Variants in PTPRT observed in about 807,000 individuals in gnomAD.
The protein encoded by PTPRT is protein tyrosine phosphatase receptor type T.
PTPRT carries 56 observed loss-of-function variants against 176.8 expected under a neutral mutation model. That is an observed-to-expected ratio of 0.32 (90% confidence interval 0.26 to 0.40). The LOEUF (loss-of-function observed/expected upper bound fraction) is 0.40. Among genes scored for constraint, PTPRT ranks in the 10% least tolerant of loss-of-function variants. The pLI is 1.00. For synonymous variants in PTPRT, 783 were observed against 739.0 expected, an observed-to-expected ratio of 1.06 and a Z score of -0.96; for missense variants, 1,540 against 1,908.2, an observed-to-expected ratio of 0.81 and a Z score of 3.60.
At chr20:42,233,957 T>A (rs1008521704) in intron 15 of PTPRT, among the ~76,000 whole-genome samples, 8 of 152,180 alleles carry the variant, frequency 5.3e-5, no homozygotes, top group African/African-American at 1.9e-4. Context: ...CTGCTTATCT[T>A]GGATTCCACC....
chr20:43,109,889 T>C (rs1245063914), intron 1 of PTPRT, among the ~76,000 whole-genome samples: 1 of 151,878 alleles, frequency 6.6e-6, no homozygotes, highest in Non-Finnish European at 1.5e-5. Flanking sequence ...GGGGGACCAG[T>C]GTAATAGAGT....
At chr20:42,132,698 C>T (rs1237430976) in intron 18 of PTPRT, among the ~76,000 whole-genome samples, 1 of 151,996 alleles carries the variant, frequency 6.6e-6, no homozygotes, top group African/African-American at 2.4e-5. Context: ...CACAGCAAGA[C>T]CTGTCATTCA....
chr20:43,173,452 A>T (rs2015052524), intron 1 of PTPRT, among the ~76,000 whole-genome samples: 1 of 152,230 alleles, frequency 6.6e-6, no homozygotes. Context: ...CTACAAATGC[A>T]AAAGCAGTCC....
At chr20:42,129,403 C>G (rs1988020168) in intron 18 of PTPRT, among the ~76,000 whole-genome samples, 1 of 152,134 alleles carries the variant, frequency 6.6e-6, no homozygotes, top group South Asian at 2.1e-4. Flanking sequence ...ATAGAGGATG[C>G]CTTTTCAAAC....
rs532596348 is a variant in PTPRT, at chr20:43,124,557, C to T, written c.88+65089G>A. Among the ~76,000 whole-genome samples the T allele has an allele frequency of 2.6e-5, 4 of 152,300 alleles. No individual in the cohort carries two copies. The South Asian group carries it at 6.2e-4, about 24-fold the overall frequency. On this transcript the variant is annotated intron_variant, in intron 1 of 30. Coordinates refer to ENST00000373187, the MANE Select transcript of PTPRT (RefSeq NM_007050.6). ...AGACTTAATGAGTAGTCACACAAAACATAATTCAGAAGATAAATCACCTGC... is the reference window on the plus strand; with the variant it reads ...AGACTTAATGAGTAGTCACACAAAATATAATTCAGAAGATAAATCACCTGC...
At chr20:42,318,903 G>A (rs919167173) in intron 11 of PTPRT, among the ~76,000 whole-genome samples, 7 of 152,246 alleles carry the variant, frequency 4.6e-5, no homozygotes, top group East Asian at 3.9e-4. Flanking sequence ...TGGCCCTCCC[G>A]TGATGGGATG....
chr20:43,011,780 A>G (rs1568732543), intron 1 of PTPRT, among the ~76,000 whole-genome samples: 1 of 152,216 alleles, frequency 6.6e-6, no homozygotes, highest in Non-Finnish European at 1.5e-5. Context: ...AACATAAGTC[A>G]GTGGACTGGG....
intron 7 of PTPRT, among the ~76,000 whole-genome samples, chr20:42,599,077 A>T (rs1482760182): frequency 6.6e-6 from 1 of 152,164 alleles, no homozygotes; most frequent in Admixed American, 6.5e-5. Flanking sequence ...GGAGTAAGAT[A>T]TTGAGGACCT....
intron 15 of PTPRT, among the ~76,000 whole-genome samples, chr20:42,218,323 G>A (rs979171791): frequency 6.6e-6 from 1 of 152,228 alleles, no homozygotes; most frequent in Non-Finnish European, 1.5e-5. Context: ...TCTATGTGCG[G>A]ATGGCTCATG....
rs544047685 is a variant in PTPRT, at chr20:42,340,520, C to T, written c.1865+10108G>A. Among the ~76,000 whole-genome samples, 8 of 152,346 alleles carry T rather than the reference C, an allele frequency of 5.3e-5. No individual in the cohort carries two copies. The South Asian group carries it at 1.7e-3, about 32-fold the overall frequency. On this transcript the variant is annotated intron_variant, in intron 11 of 30. Transcript: ENST00000373187. ...CAAAAAGCCAGGGCTTTCAGAATCA[C>T]TTCTCTCACTGTTGCCAAGTGGAGG...
chr20:43,037,671 T>C (rs1986438804), intron 1 of PTPRT, among the ~76,000 whole-genome samples: 1 of 152,194 alleles, frequency 6.6e-6, no homozygotes, highest in Admixed American at 6.5e-5. Context: ...TTGTTTTTCA[T>C]AAGTCATCTG....
chr20:42,326,092 C>T (rs981950323), intron 11 of PTPRT, among the ~76,000 whole-genome samples: 2 of 152,224 alleles, frequency 1.3e-5, no homozygotes, highest in Admixed American at 6.5e-5. Context: ...TTACCTACCA[C>T]ACCTAACAGA....
intron 19 of PTPRT, among the ~76,000 whole-genome samples, chr20:42,128,209 T>C (rs1987953371): frequency 6.6e-6 from 1 of 152,220 alleles, no homozygotes; most frequent in Non-Finnish European, 1.5e-5. Flanking sequence ...GAAGCTTTGG[T>C]TCACATCATA....
chr20:42,153,824 C>A (rs1430101583), intron 17 of PTPRT, among the ~76,000 whole-genome samples: 1 of 152,170 alleles, frequency 6.6e-6, no homozygotes, highest in Non-Finnish European at 1.5e-5. Flanking sequence ...CTGCCAGGGG[C>A]CATGATCATA....
In PTPRT at chr20:43,189,412, C is replaced by T. The variant is rs1485154885; in HGVS notation, c.88+234G>A. On this transcript the variant is annotated intron_variant, in intron 1 of 30. Coordinates refer to ENST00000373187, the MANE Select transcript of PTPRT (RefSeq NM_007050.6). The surrounding 1 kb of genome is among the most constrained non-coding windows in gnomAD (Gnocchi z 5.0). ...CCGGGGGGCCGGCAGGAAACTGAAGCGGGGAACTTCGCCAAACGCGGGCTG... is the reference window on the plus strand; with the variant it reads ...CCGGGGGGCCGGCAGGAAACTGAAGTGGGGAACTTCGCCAAACGCGGGCTG... Among the ~76,000 whole-genome samples, 8 of 152,112 alleles carry T rather than the reference C, an allele frequency of 5.3e-5. No homozygotes were observed. The highest frequency in any genetic ancestry group is 4.6e-4 in the Admixed American group (7 of 15,282).
intron 2 of PTPRT, among the ~76,000 whole-genome samples, chr20:42,807,478 G>A (rs768219124): frequency 3.9e-5 from 6 of 152,096 alleles, no homozygotes; most frequent in Non-Finnish European, 7.4e-5. Flanking sequence ...AAGAGTTCCC[G>A]AGCCCTGTGC....
intron 7 of PTPRT, among the ~76,000 whole-genome samples, chr20:42,526,057 A>C (rs910263860): frequency 6.6e-6 from 1 of 151,818 alleles, no homozygotes; most frequent in Admixed American, 6.6e-5. Flanking sequence ...GTTTGCTTGT[A>C]CACCAAATAA....
intron 7 of PTPRT, among the ~76,000 whole-genome samples, chr20:42,629,212 G>GTAAT (rs2074357097): frequency 6.6e-6 from 1 of 151,542 alleles, no homozygotes; most frequent in Non-Finnish European, 1.5e-5. Context: ...TCCTGGTGAA[G>GTAAT]TAATTATAGA....
chr20:43,180,382 TCCCTCCCTTC>T (rs2015225716), intron 1 of PTPRT, among the ~76,000 whole-genome samples: 1 of 142,380 alleles, frequency 7.0e-6, no homozygotes, highest in African/African-American at 2.6e-5. Flanking sequence ...TGCCCCCACC[TCCCTCCCTTC>T]CTCTCTCTCC....
Sources: allele counts gnomAD v4.1 joint callset (sites outside exome capture counted in the v4.1 genomes callset), GRCh38; gene constraint gnomAD v4.1.1; non-coding constraint Gnocchi (gnomAD v3.1); transcripts MANE v1.5; gene names NCBI Gene and HGNC (gene_info 2026-07-23, HGNC 2026-07-21).